RERE: variants seen among roughly 807,000 people sequenced by gnomAD.
RERE encodes the protein arginine-glutamic acid dipeptide repeats protein.
A neutral mutation model predicts 146.1 loss-of-function variants in RERE; 40 were observed. That is an observed-to-expected ratio of 0.27 (90% CI 0.21 to 0.36). The LOEUF (loss-of-function observed/expected upper bound fraction) is 0.36, where lower values mean the gene tolerates loss of function less well. Ranked by LOEUF, RERE falls within the 10% of genes least tolerant of loss-of-function variation. RERE has a pLI of 1.00. For synonymous variants in RERE, 1,003 were observed against 866.0 expected (o/e 1.16, Z -2.78); for missense variants, 1,933 against 2,138.7 (o/e 0.90, Z 1.90).
chr1:8,691,188 G>A (rs902962578), intron 1 of RERE, among the ~76,000 whole-genome samples: 1 of 152,084 alleles, frequency 6.6e-6, no homozygotes, highest in Non-Finnish European at 1.5e-5. Flanking sequence ...GAGCCACCGT[G>A]CCCGGCCGGC....
chr1:8,759,979 A>G (rs1244966092), intron 1 of RERE, among the ~76,000 whole-genome samples: 1 of 152,026 alleles, frequency 6.6e-6, no homozygotes, highest in African/African-American at 2.4e-5. Flanking sequence ...TTCAAAATAA[A>G]TTCTCCCCAA....
intron 11 of RERE, among the ~76,000 whole-genome samples, chr1:8,443,834 T>G (rs1373131114): frequency 6.6e-6 from 1 of 152,132 alleles, no homozygotes; most frequent in Non-Finnish European, 1.5e-5. Flanking sequence ...CCAGGTGGTG[T>G]TAAGTCTGCA....
chr1:8,685,669 G>C (rs1161408572), intron 1 of RERE, among the ~76,000 whole-genome samples: 1 of 152,204 alleles, frequency 6.6e-6, no homozygotes, highest in Non-Finnish European at 1.5e-5. Flanking sequence ...AAATGTGACT[G>C]CTTTAGAGAT....
intron 4 of RERE, among the ~76,000 whole-genome samples, chr1:8,572,705 C>T (rs1646236463): frequency 6.6e-6 from 1 of 152,186 alleles, no homozygotes; most frequent in Non-Finnish European, 1.5e-5. Context: ...AGTCCCAGTC[C>T]TGGTAGAACT....
chr1:8,502,772 TG>T (rs1645192276), intron 8 of RERE, among the ~76,000 whole-genome samples: 1 of 147,952 alleles, frequency 6.8e-6, no homozygotes, highest in South Asian at 2.1e-4. Flanking sequence ...GGGATCCTGT[TG>T]ATCTGTGACC....
At chr1:8,813,461 G>A (rs894199384) in intron 1 of RERE, among the ~76,000 whole-genome samples, 4 of 152,028 alleles carry the variant, frequency 2.6e-5, no homozygotes, top group African/African-American at 9.7e-5. Context: ...CTAAATCCAT[G>A]ATAATATTCA....
chr1:8,544,363 G>T (rs906472849), intron 6 of RERE, among the ~76,000 whole-genome samples: 7 of 151,824 alleles, frequency 4.6e-5, no homozygotes, highest in Non-Finnish European at 1.0e-4. Flanking sequence ...TTCATGAAAG[G>T]TTTATTCATA....
At chr1:8,454,286 C>T (rs1467752695) in intron 11 of RERE, among the ~76,000 whole-genome samples, 1 of 152,208 alleles carries the variant, frequency 6.6e-6, no homozygotes, top group East Asian at 1.9e-4. Flanking sequence ...TGTACGCACA[C>T]ATGCATGTGT....
intron 11 of RERE, among the ~76,000 whole-genome samples, chr1:8,426,340 G>A (rs1277622086): frequency 6.6e-6 from 1 of 151,480 alleles, no homozygotes; most frequent in Non-Finnish European, 1.5e-5. Context: ...TGTAGTCCCA[G>A]CTACTGGGGA....
intron 3 of RERE, among the ~76,000 whole-genome samples, chr1:8,617,761 C>G (rs1425456949): frequency 6.6e-6 from 1 of 152,178 alleles, no homozygotes; most frequent in Non-Finnish European, 1.5e-5. Flanking sequence ...CCTCATTTAT[C>G]TTTGCTGAAA....
chr1:8,404,927 A>C (rs928236987), intron 12 of RERE, among the ~76,000 whole-genome samples: 16 of 152,160 alleles, frequency 1.1e-4, no homozygotes, highest in African/African-American at 3.9e-4. Context: ...AATATTGCCA[A>C]AGCTGGAGAG....
intron 1 of RERE, among the ~76,000 whole-genome samples, chr1:8,774,347 A>ATTTTTTTTTTT (rs34859762): frequency 2.3e-4 from 21 of 93,178 alleles, no homozygotes; most frequent in Admixed American, 8.3e-4. Context: ...TTGGCAAACT[A>ATTTTTTTTTTT]TTTTTTTTTT....
chr1:8,724,129 T>A (rs1639912803), intron 1 of RERE, among the ~76,000 whole-genome samples: 1 of 152,216 alleles, frequency 6.6e-6, no homozygotes, highest in Non-Finnish European at 1.5e-5. Flanking sequence ...TAAAATGATG[T>A]CATTTATATC....
rs970095668 is a variant in RERE, at chr1:8,514,705, G to A, written c.831-6030C>T. Among the ~76,000 whole-genome samples the A allele has an allele frequency of 5.3e-5, 8 of 150,488 alleles. No homozygotes were observed. In the South Asian group the frequency reaches 6.3e-4, roughly 12 times the overall value. On this transcript the variant is annotated intron_variant, in intron 7 of 22. Coordinates refer to ENST00000400908, the MANE Select transcript of RERE (RefSeq NM_001042681.2). ...GTCACACCATTGCACTCCAGCCTGG[G>A]CAAAAAAAGAATGAAACTCCGCCTC... is the stretch of plus-strand genomic sequence containing the variant.
At chr1:8,810,938 G>A (rs1436638996) in intron 1 of RERE, among the ~76,000 whole-genome samples, 7 of 152,080 alleles carry the variant, frequency 4.6e-5, no homozygotes, top group African/African-American at 1.7e-4. Flanking sequence ...CAGAGTCACA[G>A]AAAATAAAAG....
chr1:8,603,893 A>G (rs982336808), intron 4 of RERE, among the ~76,000 whole-genome samples: 1 of 144,912 alleles, frequency 6.9e-6, no homozygotes, highest in South Asian at 2.2e-4. Context: ...TGAGCCCTGA[A>G]CATGCCACTG....
At chr1:8,775,239 A>T (rs1308960246) in intron 1 of RERE, among the ~76,000 whole-genome samples, 3 of 152,016 alleles carry the variant, frequency 2.0e-5, no homozygotes, top group African/African-American at 7.2e-5. Flanking sequence ...GATTACAGGC[A>T]TGAGTCACCA....
intron 12 of RERE, among the ~76,000 whole-genome samples, chr1:8,416,658 T>TA (rs1324976729): frequency 6.6e-6 from 1 of 151,264 alleles, no homozygotes; most frequent in African/African-American, 2.4e-5. Context: ...TAAGCCCTGA[T>TA]ACTTTTCTGT....
chr1:8,531,591 C>A (rs544348262), intron 7 of RERE, among the ~76,000 whole-genome samples: 1 of 152,234 alleles, frequency 6.6e-6, no homozygotes, highest in South Asian at 2.1e-4. Context: ...ATATTTTCTT[C>A]TTCAAGTCTT....
Sources: allele counts gnomAD v4.1 joint callset (sites outside exome capture counted in the v4.1 genomes callset), GRCh38; gene constraint gnomAD v4.1.1; transcripts MANE v1.5; gene names NCBI Gene and HGNC (gene_info 2026-07-23, HGNC 2026-07-21).